The following SPNS2 variants were observed in gnomAD, a reference collection of about 807,000 sequenced individuals.
SPNS2 encodes the protein sphingosine-1-phosphate transporter SPNS2.
In SPNS2, 37 loss-of-function variants were observed where a neutral mutation model predicts 57.6. The ratio of observed to expected loss-of-function variants is 0.64; its 90% CI spans 0.49 to 0.85. The LOEUF (loss-of-function observed/expected upper bound fraction) is 0.85, where lower values mean the gene tolerates loss of function less well. SPNS2 is among the 40% of genes least tolerant of loss of function. The pLI is 0.00. For missense variants in SPNS2, 831 were observed against 779.1 expected (o/e 1.07, Z -0.79); for synonymous variants, 440 against 346.9 (o/e 1.27, Z -2.98).
In SPNS2 at chr17:4,499,304, G is replaced by A; in HGVS notation, c.257G>A (p.Gly86Asp). 1 of 1,495,584 alleles carries A rather than the reference G, an allele frequency of 6.7e-7. No individual in the cohort carries two copies. 92.6% of individuals were successfully genotyped at this position (1,495,584 alleles called of 1,614,324 possible). Residue 86 changes from glycine to aspartate, a missense_variant, in exon 1 of 13, where the codon GGC (glycine) becomes GAC (aspartate). Gly to Asp is a moderately conservative substitution (Grantham distance 94). Coordinates refer to ENST00000329078, the MANE Select transcript of SPNS2 (RefSeq NM_001124758.3). This position sits in a 1 kb window ranked among gnomAD's most constrained non-coding sequence, Gnocchi z 5.2. The part of the protein sequence containing the change: ...GTPGCAATAK[G>D]PGAQQPKPAS... ...CCCGGCTGCGCAGCTACTGCAAAGG[G>A]CCCCGGCGCTCAGCAGCCCAAACCG...
rs1014169389 is a variant in SPNS2 at position 4,535,959 on chromosome 17, C to A, written c.1345-117C>A. ...GGCCCAGGGGAGAGAGGTGTCAAGA[C>A]GTAGGGCAGGAGTGAGTCTGAGGGT... is the stretch of plus-strand genomic sequence containing the variant. On this transcript the variant is annotated intron_variant, in intron 9 of 12. Coordinates refer to ENST00000329078, the MANE Select transcript of SPNS2 (RefSeq NM_001124758.3). The A allele has an allele frequency of 6.8e-5, 53 of 784,948 alleles. 1 individual carries two copies. The East Asian group carries it at 1.4e-3, about 21-fold the overall frequency. 48.6% of individuals were successfully genotyped at this position (784,948 alleles called of 1,614,324 possible). A position where few individuals can be genotyped will look rare whatever the true frequency, so the allele number is the denominator to read the frequency against.
chr17:4,529,290 G>A (rs1386181213), intron 3 of SPNS2, among the ~76,000 whole-genome samples: 3 of 151,684 alleles, frequency 2.0e-5, no homozygotes, highest in Non-Finnish European at 4.4e-5. Context: ...ATGTTACCCA[G>A]GCTGGTCTCG....
chr17:4,538,633 G>A lies in SPNS2; in HGVS notation c.*1185G>A. The stretch of plus-strand genomic sequence containing the variant: ...ATCAAGGTGGTTCTGGTGCGGGGGT[G>A]GGGTGGGGGGTGAGGCCTTGTGGCC... On this transcript the variant is annotated 3_prime_UTR_variant, in exon 13 of 13. Transcript: ENST00000329078. The A allele has an allele frequency of 2.0e-6, 1 of 495,500 alleles. No individual in the cohort carries two copies. The highest frequency in any genetic ancestry group is 3.6e-6 in the Non-Finnish European group (1 of 275,396). The allele number at this position is 495,500 out of a possible 1,614,324, so 30.7% of individuals were successfully genotyped here.
chr17:4,535,530 G>C (rs1184394225), intron 9 of SPNS2, among the ~76,000 whole-genome samples: 1 of 152,224 alleles, frequency 6.6e-6, no homozygotes. Context: ...AGGCACCCTG[G>C]TCTCAGGAAT....
intron 3 of SPNS2, among the ~76,000 whole-genome samples, chr17:4,529,790 A>G (rs1905382619): frequency 6.6e-6 from 1 of 152,236 alleles, no homozygotes; most frequent in Non-Finnish European, 1.5e-5. Flanking sequence ...AGCTAAGGGC[A>G]AATGGGGAGA....
At chr17:4,522,296 C>G (rs1905159065) in intron 2 of SPNS2, among the ~76,000 whole-genome samples, 1 of 152,226 alleles carries the variant, frequency 6.6e-6, no homozygotes, top group African/African-American at 2.4e-5. Flanking sequence ...GAAGGTGAGA[C>G]ACAGAATGGC....
intron 3 of SPNS2, 36 bp from the exon 4 acceptor site, chr17:4,530,596 A>G (rs1905419513): frequency 3.1e-6 from 5 of 1,590,212 alleles, no homozygotes; most frequent in Non-Finnish European, 3.4e-6. Flanking sequence ...GACGGTGGGT[A>G]GTCGGTCCCC....
intron 2 of SPNS2, among the ~76,000 whole-genome samples, chr17:4,521,107 C>A (rs1169277548): frequency 6.6e-6 from 1 of 152,190 alleles, no homozygotes; most frequent in African/African-American, 2.4e-5. Context: ...ATTATCCTGG[C>A]AGGATCTGGA....
At chr17:4,534,240 C>CGGCTGGGGCTGG (rs200905138) in intron 9 of SPNS2, 1 of 273,592 alleles carries the variant, frequency 3.7e-6, no homozygotes, top group African/African-American at 2.2e-5. Flanking sequence ...GGCGTGCCTG[C>CGGCTGGGGCTGG]GGCTGGGGCT....
rs989246703 is a variant in SPNS2, at chr17:4,538,595, C to T, written c.*1147C>T. ...AGCCCCCTGCGTCACCCACTCCCTGCACTTCTGCTGCAATCAAGGTGGTTC... is the reference window on the plus strand; with the variant it reads ...AGCCCCCTGCGTCACCCACTCCCTGTACTTCTGCTGCAATCAAGGTGGTTC... On this transcript the variant is annotated 3_prime_UTR_variant, in exon 13 of 13. Transcript: ENST00000329078. 1.2e-5 allele frequency: 5 copies of T among 425,600 alleles called. No homozygotes were observed. The highest frequency in any genetic ancestry group is 1.0e-4 in the East Asian group (2 of 19,418). The allele number at this position is 425,600 out of a possible 1,614,324, so 26.4% of individuals were successfully genotyped here.
At chr17:4,527,156 C>A (rs150697350) in intron 3 of SPNS2, among the ~76,000 whole-genome samples, 1 of 152,240 alleles carries the variant, frequency 6.6e-6, no homozygotes, top group Non-Finnish European at 1.5e-5. Flanking sequence ...ACTGAAATCA[C>A]AATTTGCATC....
chr17:4,535,273 C>T lies in SPNS2; in HGVS notation c.1345-803C>T, dbSNP rs183749026. 3.4e-3 allele frequency among the ~76,000 whole-genome samples: 514 copies of T among 152,248 alleles called. 2 individuals carry two copies. The highest frequency in any genetic ancestry group is 0.027 in the Middle Eastern group (8 of 294). On this transcript the variant is annotated intron_variant, in intron 9 of 12. Coordinates refer to ENST00000329078, the MANE Select transcript of SPNS2 (RefSeq NM_001124758.3). ...ATGGGGGTCTGGGGCCCAGCAGTGC[C>T]GGCATTTGGTGCTGAGGGTGCCCGC...
intron 5 of SPNS2, 29 bp from the exon 6 acceptor site, chr17:4,532,513 T>A (rs751925276): frequency 1.5e-5 from 25 of 1,614,078 alleles, no homozygotes; most frequent in Non-Finnish European, 2.0e-5. Flanking sequence ...CACTGGGCCC[T>A]GGTGTCCTAA....
chr17:4,516,215 G>A (rs1306190560), intron 2 of SPNS2, among the ~76,000 whole-genome samples: 1 of 151,382 alleles, frequency 6.6e-6, no homozygotes, highest in Non-Finnish European at 1.5e-5. Flanking sequence ...TCGGGAGGCT[G>A]AGGCAGGAGA....
At chr17:4,525,492 G>A (rs1905243925) in intron 3 of SPNS2, among the ~76,000 whole-genome samples, 1 of 152,242 alleles carries the variant, frequency 6.6e-6, no homozygotes, top group Non-Finnish European at 1.5e-5. Context: ...TGGCCTAGGA[G>A]TGAGGGCCTT....
At position 4,536,926 on chromosome 17, in the gene SPNS2, C is replaced by T. The variant is rs763303858; in HGVS notation, c.1634C>T (p.Ala545Val). 6.2e-7 allele frequency: 1 copy of T among 1,613,730 alleles called. No individual in the cohort carries two copies. Among genetic ancestry groups the T allele is most frequent in the South Asian group, 1.1e-5 (1 of 91,072 alleles). The change falls in exon 12 of 13, where the codon GCA (alanine) becomes GTA (valine). Residue 545 changes from alanine to valine, a missense_variant. This residue lies in a region of SPNS2 where 526 missense variants were observed against 400.9 expected (regional missense o/e 1.31). Transcript: ENST00000329078. ...QQVNQLAMPP[A>V]SVKV ...GTGAACCAGCTGGCGATGCCGCCCG[C>T]ATCTGTGAAAGTCTGAGGTGGTGAG...
intron 2 of SPNS2, among the ~76,000 whole-genome samples, chr17:4,515,709 G>T (rs138165922): frequency 6.6e-6 from 1 of 152,246 alleles, no homozygotes; most frequent in South Asian, 2.1e-4. Context: ...CGATAAGGTC[G>T]GAGCCAGGTG....
At chr17:4,508,689 A>C (rs1333385581) in intron 1 of SPNS2, among the ~76,000 whole-genome samples, 2 of 152,212 alleles carry the variant, frequency 1.3e-5, no homozygotes, top group Non-Finnish European at 2.9e-5. Context: ...AGCCGTACCC[A>C]CTGGGCCAAT....
At chr17:4,537,305 G>T (rs1481094488) in intron 12 of SPNS2, 148 bp from the exon 13 acceptor site, 2 of 430,440 alleles carry the variant, frequency 4.6e-6, no homozygotes, top group East Asian at 1.0e-4. Flanking sequence ...GGGAGTTATA[G>T]CTTCCCAGCA....
Sources: gnomAD v4.1 joint callset for allele counts (sites outside exome capture counted in the v4.1 genomes callset) on GRCh38, gnomAD v4.1.1 for gene constraint, gnomAD v4.1.1 regional missense constraint, Gnocchi (gnomAD v3.1) non-coding constraint, MANE v1.5 for transcripts, NCBI Gene and HGNC (gene_info 2026-07-23, HGNC 2026-07-21) for gene names.